Variants in CLCNKA observed in about 807,000 individuals in gnomAD.
The protein encoded by CLCNKA is chloride voltage-gated channel Ka, also known as chloride channel protein ClC-Ka.
In CLCNKA, 66 loss-of-function variants were observed where a neutral mutation model predicts 83.3. The ratio of observed to expected loss-of-function variants is 0.79; its 90% CI spans 0.65 to 0.97. CLCNKA has a LOEUF of 0.97. Among genes scored for constraint, CLCNKA ranks in the 50% least tolerant of loss-of-function variants. CLCNKA has a pLI of 0.00. For synonymous variants in CLCNKA, 357 were observed against 370.4 expected (o/e 0.96, Z 0.42); for missense variants, 806 against 888.7 (o/e 0.91, Z 1.18).
chr1:16,024,814 T>G lies in CLCNKA; in HGVS notation c.281T>G (p.Leu94Arg), dbSNP rs2022281928. Residue 94 changes from leucine to arginine, a missense_variant, in exon 4 of 20, where the codon CTT (leucine) becomes CGT (arginine). By Grantham distance (102) the Leu-to-Arg change is moderately radical. Transcript: ENST00000331433. Reference protein sequence around the residue: ...EIGDSHLLRYLSWTVYPVALV... With the variant: ...EIGDSHLLRYRSWTVYPVALV... ...GGGGACAGCCACCTGCTCCGGTATC[T>G]TTCCTGGACTGTGTACCCTGTGGCC... is the stretch of plus-strand genomic sequence containing the variant. The G allele has an allele frequency of 4.3e-6, 7 of 1,614,044 alleles. No homozygotes were observed. The highest frequency in any genetic ancestry group is 5.9e-6 in the Non-Finnish European group (7 of 1,180,036).
intron 2 of CLCNKA, among the ~76,000 whole-genome samples, chr1:16,023,205 G>A (rs895955715): frequency 1.6e-4 from 24 of 152,364 alleles, no homozygotes; most frequent in African/African-American, 5.1e-4. Context: ...CCCACAGCCA[G>A]TGAGGGCCAG....
chr1:16,031,569 C>T, intron 15 of CLCNKA, 141 bp from the exon 16 acceptor site: 1 of 1,227,240 alleles, frequency 8.1e-7, no homozygotes, highest in South Asian at 1.3e-5. Context: ...AGGAGTCCCT[C>T]ATTCCAGGAA....
intron 2 of CLCNKA, 133 bp from the exon 3 acceptor site, chr1:16,023,667 C>A: frequency 2.0e-6 from 2 of 997,600 alleles, no homozygotes; most frequent in Admixed American, 4.0e-5. Context: ...CTGACTCAGG[C>A]GGGGCCCCCT....
At position 16,031,826 on chromosome 1, in the gene CLCNKA, C is replaced by G; in HGVS notation, c.1739C>G (p.Pro580Arg). The G allele has an allele frequency of 3.7e-6, 6 of 1,613,870 alleles. No individual in the cohort carries two copies. Among genetic ancestry groups the G allele is most frequent in the Non-Finnish European group, 5.1e-6 (6 of 1,180,030 alleles). Residue 580 changes from proline (P) to arginine (R), a missense_variant, in exon 16 of 20, where the codon CCC becomes CGC. Coordinates refer to ENST00000331433, the MANE Select transcript of CLCNKA (RefSeq NM_004070.4). ...VVTSTDVTEY[P>R]LVESTESQIL... ...ACCTCCACAGACGTGACCGAGTATC[C>G]CCTGGTGGAGAGCACAGGTGCCCAG...
chr1:16,022,839 T>C (rs1253803490), intron 2 of CLCNKA, 120 bp downstream of exon 2: 3 of 699,614 alleles, frequency 4.3e-6, no homozygotes, highest in Non-Finnish European at 6.7e-6. Flanking sequence ...AGGACATGAC[T>C]GCCCAAAGTC....
chr1:16,030,736 TG>T (rs1452712213), intron 15 of CLCNKA, 62 bp downstream of exon 15: 1 of 1,606,222 alleles, frequency 6.2e-7, no homozygotes, highest in African/African-American at 1.3e-5. Context: ...TGGCTGGGGG[TG>T]GAGGGCACCT....
chr1:16,031,935 G>C, intron 16 of CLCNKA, 92 bp downstream of exon 16: 2 of 1,595,642 alleles, frequency 1.3e-6, no homozygotes, highest in South Asian at 2.2e-5. Context: ...CTGCATCCAG[G>C]CTCTGTGACT....
At chr1:16,023,659 G>A in intron 2 of CLCNKA, 141 bp from the exon 3 acceptor site, 1 of 850,120 alleles carries the variant, frequency 1.2e-6, no homozygotes, top group South Asian at 1.4e-5. Flanking sequence ...ATTCCTCTCT[G>A]ACTCAGGCGG....
chr1:16,026,405 G>A lies in CLCNKA; in HGVS notation c.499-131G>A, dbSNP rs920794539. On this transcript the variant is annotated intron_variant, in intron 5 of 19. Coordinates refer to ENST00000331433, the MANE Select transcript of CLCNKA (RefSeq NM_004070.4). ...GGAAGAGCCAGGCCAGGTCCCCAGTGTGACAAAAGCTACCTGAGGACAGCC... is the reference window on the plus strand; with the variant it reads ...GGAAGAGCCAGGCCAGGTCCCCAGTATGACAAAAGCTACCTGAGGACAGCC... 6.1e-6 allele frequency: 9 copies of A among 1,475,372 alleles called. No individual in the cohort carries two copies. The Admixed American group carries it at 1.3e-4, about 22-fold the overall frequency. 91.4% of individuals were successfully genotyped at this position (1,475,372 alleles called of 1,614,324 possible).
At position 16,031,860 on chromosome 1, in the gene CLCNKA, G is replaced by A; in HGVS notation, c.1756+17G>A. On this transcript the variant is annotated intron_variant, in intron 16 of 19. Coordinates refer to ENST00000331433, the MANE Select transcript of CLCNKA (RefSeq NM_004070.4). ...AGAGCACAGGTGCCCAGCTGGAAGG[G>A]AGGAGGAAGTCGGGGGTAGGGGATG... The A allele has an allele frequency of 6.2e-7, 1 of 1,613,654 alleles. No homozygotes were observed. Among genetic ancestry groups the A allele is most frequent in the Non-Finnish European group, 8.5e-7 (1 of 1,180,008 alleles).
At position 16,026,252 on chromosome 1, in the gene CLCNKA, G is replaced by A. The variant is rs2022342009; in HGVS notation, c.498+5G>A. ...ACCCTGTTCCTGGGCAAAGTGGTAT[G>A]GTCAGGTGTGAGGGCACCCCAGCCA... On this transcript the variant is annotated splice_donor_5th_base_variant and intron_variant, in intron 5 of 19. Coordinates refer to ENST00000331433, the MANE Select transcript of CLCNKA (RefSeq NM_004070.4). 12 of 1,613,622 alleles carry A rather than the reference G, an allele frequency of 7.4e-6. No individual in the cohort carries two copies. Among genetic ancestry groups the A allele is most frequent in the Non-Finnish European group, 1.0e-5 (12 of 1,180,038 alleles).
At position 16,023,865 on chromosome 1, in the gene CLCNKA, C is replaced by T. The variant is rs904334284; in HGVS notation, c.166C>T (p.Leu56Phe). 17 of 1,614,060 alleles carry T rather than the reference C, an allele frequency of 1.1e-5. No individual in the cohort carries two copies. Among genetic ancestry groups the T allele is most frequent in the African/African-American group, 6.7e-5 (5 of 74,946 alleles). Reference sequence around the variant, plus strand: ...AGAAGACTGGTACTTCCTGATGACCCTCGGGGTGCTCATGGCCCTGGTCAG... The same window carrying T: ...AGAAGACTGGTACTTCCTGATGACCTTCGGGGTGCTCATGGCCCTGGTCAG... ...LGEDWYFLMT[L>F]GVLMALVSYA... Residue 56 changes from leucine to phenylalanine, a missense_variant, in exon 3 of 20, where the codon CTC becomes TTC. Transcript: ENST00000331433.
chr1:16,032,369 C>T, intron 17 of CLCNKA, 74 bp from the exon 18 acceptor site: 1 of 1,552,790 alleles, frequency 6.4e-7, no homozygotes, highest in Non-Finnish European at 8.9e-7. Flanking sequence ...CGCTGATCTC[C>T]TGAGGGAGAG....
Position 16,028,101 on chromosome 1 carries a change from C to A in CLCNKA, c.950C>A (p.Ser317Tyr), listed in dbSNP as rs1264450372. The A allele has an allele frequency of 3.2e-6, 5 of 1,561,818 alleles. No homozygotes were observed. The African/African-American group carries it at 6.7e-5, about 21-fold the overall frequency. ...LSFIKTNRYSSKLLATSKPVY... is the reference protein window; with the variant it reads ...LSFIKTNRYSYKLLATSKPVY... ...TTCATCAAGACCAATCGGTACAGCT[C>A]CAAACTGCTGGCTACTAGGTAGGCT... Residue 317 changes from serine to tyrosine, a missense_variant, in exon 10 of 20, where the codon TCC becomes TAC. Ser to Tyr is a moderately radical substitution (Grantham distance 144). Coordinates refer to ENST00000331433, the MANE Select transcript of CLCNKA (RefSeq NM_004070.4).
At chr1:16,026,915 GCCACC>G (rs2022381783) in intron 7 of CLCNKA, 140 bp downstream of exon 7, 1 of 1,152,456 alleles carries the variant, frequency 8.7e-7, no homozygotes. Flanking sequence ...TTTGGGTATA[GCCACC>G]CCCCGGGGGC....
chr1:16,030,320 G>A (rs369239234), intron 14 of CLCNKA, 141 bp from the exon 15 acceptor site: 2 of 1,103,198 alleles, frequency 1.8e-6, no homozygotes, highest in African/African-American at 3.1e-5. Flanking sequence ...CAGGCCTTGG[G>A]GCACTTCCCA....
rs199642508 is a variant in CLCNKA at position 16,030,120 on chromosome 1, G to T, written c.1408+45G>T. On this transcript the variant is annotated intron_variant, in intron 14 of 19. Coordinates refer to ENST00000331433, the MANE Select transcript of CLCNKA (RefSeq NM_004070.4). ...GCTGGGTGGGCAATGTCGTGGGGCT[G>T]GGCTGGACCTGGAGAATTGGCTGGT... is the stretch of plus-strand genomic sequence containing the variant. The T allele has an allele frequency of 5.4e-4, 776 of 1,424,202 alleles. 4 individuals carry two copies. The African/African-American group carries it at 9.6e-3, about 18-fold the overall frequency. 88.2% of individuals were successfully genotyped at this position (1,424,202 alleles called of 1,614,324 possible). A position where few individuals can be genotyped will look rare whatever the true frequency, so the allele number is the denominator to read the frequency against.
At position 16,026,542 on chromosome 1, in the gene CLCNKA, T is replaced by C; in HGVS notation, c.505T>C (p.Phe169Leu). The C allele has an allele frequency of 6.2e-7, 1 of 1,613,962 alleles. No homozygotes were observed. The highest frequency in any genetic ancestry group is 8.5e-7 in the Non-Finnish European group (1 of 1,179,996). ...STLFLGKVGP[F>L]VHLSVMIAAY... is the part of the protein sequence containing the mutation. ...CCCACCCTTCCCTCTGCAGGGCCCT[T>C]TCGTGCACCTGTCTGTAATGATCGC... The change falls in exon 6 of 20, where the codon TTC becomes CTC. Residue 169 changes from phenylalanine to leucine, a missense_variant. By Grantham distance (22) the Phe-to-Leu change is conservative. Coordinates refer to ENST00000331433, the MANE Select transcript of CLCNKA (RefSeq NM_004070.4).
chr1:16,029,932 C>A, intron 13 of CLCNKA, 33 bp from the exon 14 acceptor site: 6 of 1,600,774 alleles, frequency 3.7e-6, no homozygotes, highest in Non-Finnish European at 5.1e-6. Context: ...GCCGGGTCAG[C>A]CTGGCTCCCC....
Sources: allele counts gnomAD v4.1 joint callset (sites outside exome capture counted in the v4.1 genomes callset), GRCh38; gene constraint gnomAD v4.1.1; transcripts MANE v1.5; gene names NCBI Gene and HGNC (gene_info 2026-07-23, HGNC 2026-07-21).